The following TAOK1 variants were observed in gnomAD, a reference collection of about 807,000 sequenced individuals.
The protein encoded by TAOK1 is TAO kinase 1.
In TAOK1, 21 loss-of-function variants were observed where a neutral mutation model predicts 138.3. The observed-to-expected ratio is 0.15, with a 90% CI of 0.11 to 0.22. The LOEUF (loss-of-function observed/expected upper bound fraction) is 0.22. Among genes scored for constraint, TAOK1 ranks in the 10% least tolerant of loss-of-function variants. TAOK1 has a pLI of 1.00. For synonymous variants in TAOK1, 361 were observed against 398.4 expected, an observed-to-expected ratio of 0.91 and a Z score of 1.12; for missense variants, 651 against 1,227.7, an observed-to-expected ratio of 0.53 and a Z score of 7.02.
At chr17:29,409,598 G>C (rs892603568) in intron 1 of TAOK1, among the ~76,000 whole-genome samples, 1 of 152,114 alleles carries the variant, frequency 6.6e-6, no homozygotes, top group Non-Finnish European at 1.5e-5. Flanking sequence ...CTCCCAAAGT[G>C]CTGGGATTAC....
intron 1 of TAOK1, among the ~76,000 whole-genome samples, chr17:29,436,063 G>C (rs1906020988): frequency 6.6e-6 from 1 of 152,222 alleles, no homozygotes; most frequent in African/African-American, 2.4e-5. Flanking sequence ...CCGGGAGGCA[G>C]AGGTTGCATT....
At chr17:29,462,246 G>A (rs571907322) in intron 2 of TAOK1, among the ~76,000 whole-genome samples, 4 of 152,284 alleles carry the variant, frequency 2.6e-5, no homozygotes, top group East Asian at 3.9e-4. Context: ...CATCAGGCAA[G>A]CTAATCAAGG....
At chr17:29,541,385 TG>T (rs2032314186) in intron 19 of TAOK1, among the ~76,000 whole-genome samples, 1 of 151,406 alleles carries the variant, frequency 6.6e-6, no homozygotes, top group Non-Finnish European at 1.5e-5. Context: ...GCTGAGATTA[TG>T]GGCGTGATCC....
At position 29,530,534 on chromosome 17, in the gene TAOK1, G is replaced by A. The variant is rs1322906591; in HGVS notation, c.2276G>A (p.Arg759Gln). ...PKSEHKAVLKRLKEEQTRKLA... is the reference protein window; with the variant it reads ...PKSEHKAVLKQLKEEQTRKLA... ...AGTGAGCACAAAGCTGTTCTGAAAC[G>A]GCTCAAGGAGGAACAGACCCGGAAA... The change falls in exon 18 of 20, where the codon CGG becomes CAG. Residue 759 changes from arginine to glutamine, a missense_variant. Physicochemically the swap from Arg to Gln is conservative, Grantham distance 43. Coordinates refer to ENST00000261716, the MANE Select transcript of TAOK1 (RefSeq NM_020791.4). 4.3e-6 allele frequency: 7 copies of A among 1,614,092 alleles called. No homozygotes were observed. Among genetic ancestry groups the A allele is most frequent in the Non-Finnish European group, 5.1e-6 (6 of 1,180,028 alleles).
chr17:29,523,074 CAAA>C (rs35989910), intron 17 of TAOK1, among the ~76,000 whole-genome samples: 104 of 110,846 alleles, frequency 9.4e-4, no homozygotes, highest in Admixed American at 1.4e-3. Context: ...GACCCTGTCT[CAAA>C]AAAAAAAAAA....
intron 2 of TAOK1, among the ~76,000 whole-genome samples, chr17:29,454,111 C>T (rs560844447): frequency 6.6e-6 from 1 of 152,222 alleles, no homozygotes; most frequent in East Asian, 1.9e-4. Flanking sequence ...GCCACCACAC[C>T]TGGCCCCAAC....
At chr17:29,399,947 G>A (rs1904786811) in intron 1 of TAOK1, among the ~76,000 whole-genome samples, 1 of 151,958 alleles carries the variant, frequency 6.6e-6, no homozygotes, top group African/African-American at 2.4e-5. Context: ...GCCCAGGTTG[G>A]TCTTGATCTT....
At chr17:29,399,549 T>C (rs1904773673) in intron 1 of TAOK1, among the ~76,000 whole-genome samples, 1 of 151,868 alleles carries the variant, frequency 6.6e-6, no homozygotes, top group Non-Finnish European at 1.5e-5. Context: ...TCTCCTGACC[T>C]CGTGATCTGC....
intron 16 of TAOK1, among the ~76,000 whole-genome samples, chr17:29,520,265 A>G (rs1426572695): frequency 1.3e-5 from 2 of 152,088 alleles, no homozygotes; most frequent in African/African-American, 4.8e-5. Flanking sequence ...AAGGCGTCAC[A>G]AAGCAGTAGG....
intron 1 of TAOK1, among the ~76,000 whole-genome samples, 152 bp from the exon 2 acceptor site, chr17:29,451,303 A>G (rs2030228614): frequency 6.6e-6 from 1 of 152,196 alleles, no homozygotes; most frequent in South Asian, 2.1e-4. Context: ...ATGATGATGA[A>G]ACAGGTTTAG....
chr17:29,497,270 T>C (rs1197396944), intron 11 of TAOK1, among the ~76,000 whole-genome samples: 1 of 152,172 alleles, frequency 6.6e-6, no homozygotes, highest in Non-Finnish European at 1.5e-5. Context: ...AAATAAATAA[T>C]GAACTGTCAA....
chr17:29,504,466 C>G (rs530122056), intron 13 of TAOK1, among the ~76,000 whole-genome samples: 2 of 151,562 alleles, frequency 1.3e-5, no homozygotes, highest in Admixed American at 6.6e-5. Context: ...GGTCAGGTTG[C>G]GAGACCAACC....
Position 29,491,778 on chromosome 17 carries a change from C to A in TAOK1, c.750-6C>A. The A allele has an allele frequency of 6.2e-7, 1 of 1,608,322 alleles. No homozygotes were observed. Among genetic ancestry groups the A allele is most frequent in the East Asian group, 2.2e-5 (1 of 44,838 alleles). Reference sequence around the variant, plus strand: ...TGTGTTCACTTGATACTTTCCTTTACAATAGGTCTGATTATTTTCGCAACT... The same window carrying A: ...TGTGTTCACTTGATACTTTCCTTTAAAATAGGTCTGATTATTTTCGCAACT... On this transcript the variant is annotated splice_polypyrimidine_tract_variant and splice_region_variant and intron_variant, in intron 9 of 19. Coordinates refer to ENST00000261716, the MANE Select transcript of TAOK1 (RefSeq NM_020791.4).
intron 17 of TAOK1, among the ~76,000 whole-genome samples, chr17:29,525,565 C>G (rs2031995786): frequency 1.3e-5 from 2 of 151,944 alleles, no homozygotes; most frequent in Admixed American, 1.3e-4. Context: ...CCATCACGCC[C>G]TCGTGTTTTT....
chr17:29,450,017 A>AT (rs1009695040), intron 1 of TAOK1, among the ~76,000 whole-genome samples: 1 of 151,896 alleles, frequency 6.6e-6, no homozygotes, highest in Non-Finnish European at 1.5e-5. Context: ...TGTGAAGTAG[A>AT]TTTTTTCCTC....
At chr17:29,504,037 G>A (rs900447348) in intron 13 of TAOK1, among the ~76,000 whole-genome samples, 3 of 151,886 alleles carry the variant, frequency 2.0e-5, no homozygotes, top group African/African-American at 7.3e-5. Flanking sequence ...CTTGAACCCG[G>A]GAGGCGGAGG....
At chr17:29,436,007 G>A (rs763134090) in intron 1 of TAOK1, among the ~76,000 whole-genome samples, 2 of 152,140 alleles carry the variant, frequency 1.3e-5, no homozygotes, top group Admixed American at 6.6e-5. Context: ...GCTGGTGCCT[G>A]TAATCCCAGC....
chr17:29,528,075 A>T (rs2032040991), intron 17 of TAOK1, among the ~76,000 whole-genome samples: 1 of 152,064 alleles, frequency 6.6e-6, no homozygotes, highest in African/African-American at 2.4e-5. Flanking sequence ...TTTGAGACAG[A>T]GTCTCACTCT....
chr17:29,476,101 A>G (rs1002608658), intron 4 of TAOK1, among the ~76,000 whole-genome samples: 1 of 152,256 alleles, frequency 6.6e-6, no homozygotes, highest in Non-Finnish European at 1.5e-5. Flanking sequence ...TTTTCTTGAC[A>G]TAAATGTACT....
Sources: gnomAD v4.1 joint callset for allele counts (sites outside exome capture counted in the v4.1 genomes callset) on GRCh38, gnomAD v4.1.1 for gene constraint, MANE v1.5 for transcripts, NCBI Gene and HGNC (gene_info 2026-07-23, HGNC 2026-07-21) for gene names.